Variants in ZNF217 observed in about 807,000 individuals in gnomAD.
The protein encoded by ZNF217 is zinc finger protein 217.
A neutral mutation model predicts 73.3 loss-of-function variants in ZNF217; 12 were observed. That is an observed-to-expected ratio of 0.16 (90% CI 0.10 to 0.27). ZNF217 has a LOEUF of 0.27. Among genes scored for constraint, ZNF217 ranks in the 10% least tolerant of loss-of-function variants. The probability of loss-of-function intolerance (pLI) is 1.00; values close to 1 mark genes in which losing one functional copy is unlikely to be tolerated. For missense variants in ZNF217, 1,195 were observed against 1,327.8 expected, an observed-to-expected ratio of 0.90 and a Z score of 1.55; for synonymous variants, 588 against 516.4, an observed-to-expected ratio of 1.14 and a Z score of -1.88.
chr20:53,581,458 T>C lies in ZNF217; in HGVS notation c.1366+3A>G, dbSNP rs376580741. The C allele has an allele frequency of 2.5e-6, 4 of 1,603,050 alleles. No homozygotes were observed. The highest frequency in any genetic ancestry group is 1.3e-5 in the African/African-American group (1 of 74,772). ...AGCACGGGACGGAGACAGGGCAGCTTACCCAGATGGATTCCTTCGGGAAGC... is the reference window on the plus strand; with the variant it reads ...AGCACGGGACGGAGACAGGGCAGCTCACCCAGATGGATTCCTTCGGGAAGC... On this transcript the variant is annotated splice_donor_region_variant and intron_variant, in intron 2 of 5. Transcript: ENST00000371471. The surrounding 1 kb of genome is among the most constrained non-coding windows in gnomAD (Gnocchi z 4.9).
intron 1 of ZNF217, among the ~76,000 whole-genome samples, chr20:53,592,289 T>A (rs138879838): frequency 1.3e-5 from 2 of 151,896 alleles, no homozygotes; most frequent in African/African-American, 2.4e-5. Context: ...CCAAGCCCCA[T>A]AGACTGATTC....
intron 1 of ZNF217, among the ~76,000 whole-genome samples, chr20:53,583,829 G>A (rs559123743): frequency 6.0e-4 from 92 of 152,334 alleles, no homozygotes; most frequent in African/African-American, 1.5e-3. Flanking sequence ...CTGGATATTC[G>A]AAACCTCAAT....
At chr20:53,584,353 C>T (rs34767939) in intron 1 of ZNF217, among the ~76,000 whole-genome samples, 1 of 152,234 alleles carries the variant, frequency 6.6e-6, no homozygotes. Flanking sequence ...GGAAGGCCTG[C>T]AGGCTCAGAG....
At chr20:53,594,458 G>A (rs1389000442), upstream of ZNF217, among the ~76,000 whole-genome samples, 1 of 150,134 alleles carries the variant, frequency 6.7e-6, no homozygotes, top group Admixed American at 6.6e-5. Flanking sequence ...CGCCGACTCC[G>A]CCTCCGGGAC....
In ZNF217 at chr20:53,576,418, C is replaced by G. The variant is rs41274708; in HGVS notation, c.2346G>C (p.Ala782=). ...CKPKPKSAFP[A]QSKSLPSAKG... ...TCGCAGATGGCAGGGATTTGGACTG[C>G]GCCGGGAAAGCAGACTTGGGCTTGG... Residue 782 remains alanine (A), a synonymous_variant, in exon 4 of 6, where the codon GCG becomes GCC. Transcript: ENST00000371471. 6.8e-3 allele frequency: 10,958 copies of G among 1,614,162 alleles called. 63 individuals carry two copies. The highest frequency in any genetic ancestry group is 0.014 in the South Asian group (1,283 of 91,082).
chr20:53,585,850 T>C (rs1988675994), intron 1 of ZNF217, among the ~76,000 whole-genome samples: 1 of 152,092 alleles, frequency 6.6e-6, no homozygotes, highest in African/African-American at 2.4e-5. Flanking sequence ...AGGGGTCTTC[T>C]TGTGTGGTCA....
Position 53,581,921 on chromosome 20 carries a change from A to T in ZNF217, c.906T>A (p.Ala302=), listed in dbSNP as rs572025453. 6.2e-7 allele frequency: 1 copy of T among 1,614,134 alleles called. No homozygotes were observed. Among genetic ancestry groups the T allele is most frequent in the African/African-American group, 1.3e-5 (1 of 75,036 alleles). ...GGCAAATGGCAACTTTTCCTTTGGT[A>T]GCCAGCTGCCAAGCCTGGAAGGTGG... The part of the protein sequence containing the change: ...PFTTFQAWQL[A]TKGKVAICQE... Residue 302 remains alanine, a synonymous_variant, in exon 2 of 6, where the codon GCT becomes GCA. Coordinates refer to ENST00000371471, the MANE Select transcript of ZNF217 (RefSeq NM_006526.3). The surrounding 1 kb of genome is among the most constrained non-coding windows in gnomAD (Gnocchi z 4.9).
chr20:53,594,608 C>T (rs1362793038), upstream of ZNF217, among the ~76,000 whole-genome samples: 2 of 151,524 alleles, frequency 1.3e-5, no homozygotes, highest in Non-Finnish European at 3.0e-5. Context: ...GCGCGCGCCG[C>T]GGCGGTAGCC....
At chr20:53,597,605 G>GTATGTA (rs1568696586), upstream of ZNF217, 1 of 147,982 alleles carries the variant, frequency 6.8e-6, no homozygotes, top group Admixed American at 6.8e-5. Flanking sequence ...TTATATATAT[G>GTATGTA]TATATATATA....
intron 1 of ZNF217, among the ~76,000 whole-genome samples, chr20:53,590,053 C>T (rs1298320635): frequency 6.6e-6 from 1 of 151,994 alleles, no homozygotes; most frequent in Admixed American, 6.5e-5. Context: ...GGTAGCTGTT[C>T]TGTAAATACC....
chr20:53,595,113 T>A (rs1266435843), upstream of ZNF217, among the ~76,000 whole-genome samples: 11 of 150,742 alleles, frequency 7.3e-5, no homozygotes, highest in African/African-American at 2.7e-4. Flanking sequence ...TTAAAGCGTT[T>A]CCCAAATGTT....
chr20:53,582,967 T>C lies in ZNF217; in HGVS notation c.-141A>G. On this transcript the variant is annotated 5_prime_UTR_variant, in exon 2 of 6. Transcript: ENST00000371471. The surrounding 1 kb of genome is among the most constrained non-coding windows in gnomAD (Gnocchi z 4.8). ...TAAAAGTTCAAAAGAAAGTGTATAG[T>C]CCTCTAACTTCTTCGAACTTTTAGG... The C allele has an allele frequency of 1.2e-6, 1 of 867,134 alleles. No homozygotes were observed. Among genetic ancestry groups the C allele is most frequent in the Non-Finnish European group, 1.7e-6 (1 of 583,406 alleles). The allele number at this position is 867,134 out of a possible 1,614,324, so 53.7% of individuals were successfully genotyped here. A position where few individuals can be genotyped will look rare whatever the true frequency, so the allele number is the denominator to read the frequency against.
rs1021322442 is a variant in ZNF217, at chr20:53,586,685, A to G, written c.-342-3517T>C. ...ACCAATTTGCTCATCAGTAATCGTT[A>G]AAGTGGTTGTAACAATAAAGACGTT... On this transcript the variant is annotated intron_variant, in intron 1 of 5. Coordinates refer to ENST00000371471, the MANE Select transcript of ZNF217 (RefSeq NM_006526.3). Among the ~76,000 whole-genome samples the G allele has an allele frequency of 1.1e-4, 16 of 152,244 alleles. 1 individual carries two copies. The highest frequency in any genetic ancestry group is 9.8e-4 in the Admixed American group (15 of 15,290).
At chr20:53,594,159 C>A (rs1018376500), upstream of ZNF217, among the ~76,000 whole-genome samples, 2 of 150,756 alleles carry the variant, frequency 1.3e-5, no homozygotes, top group African/African-American at 4.9e-5. Flanking sequence ...GGGGCAAAGG[C>A]GCGGGCGCCC....
chr20:53,576,099 C>G lies in ZNF217; in HGVS notation c.2665G>C (p.Asp889His), dbSNP rs749312304. The G allele has an allele frequency of 6.2e-7, 1 of 1,614,054 alleles. No homozygotes were observed. Among genetic ancestry groups the G allele is most frequent in the African/African-American group, 1.3e-5 (1 of 74,928 alleles). Residue 889 changes from aspartate (D) to histidine (H), a missense_variant, in exon 4 of 6, where the codon GAC becomes CAC. Asp to His is a moderately conservative substitution (Grantham distance 81, BLOSUM62 -1). Coordinates refer to ENST00000371471, the MANE Select transcript of ZNF217 (RefSeq NM_006526.3). ...NGSIDYPAKNDSPWAPPGRDY... is the reference protein window; with the variant it reads ...NGSIDYPAKNHSPWAPPGRDY... ...CTTCCCGGAGGTGCCCACGGGCTGT[C>G]GTTCTTGGCGGGGTAGTCGATGGAA...
intron 3 of ZNF217, among the ~76,000 whole-genome samples, chr20:53,577,729 A>G (rs1354436523): frequency 1.3e-5 from 2 of 152,224 alleles, no homozygotes; most frequent in African/African-American, 2.4e-5. Flanking sequence ...TCATAAAGAC[A>G]TAAGATGCAG....
rs766929479 is a variant in ZNF217, at chr20:53,575,823, G to A, written c.2941C>T (p.Pro981Ser). The change falls in exon 4 of 6, where the codon CCA becomes TCA. Residue 981 changes from proline to serine, a missense_variant. By Grantham distance (74) the Pro-to-Ser change is moderately conservative. Transcript: ENST00000371471. ...RFLSSSEVDS[P>S]NVLTVQKPYG... ...GGCTTCTGAACAGTCAGCACATTTG[G>A]AGAATCGACCTCGCTGGAGCTCAGG... The A allele has an allele frequency of 1.2e-5, 20 of 1,614,090 alleles. No individual in the cohort carries two copies. The Admixed American group carries it at 3.2e-4, about 26-fold the overall frequency.
rs1988529642 is a variant in ZNF217, at chr20:53,582,068, A to G, written c.759T>C (p.Ser253=). The G allele has an allele frequency of 6.2e-7, 1 of 1,614,080 alleles. No individual in the cohort carries two copies. The highest frequency in any genetic ancestry group is 8.5e-7 in the Non-Finnish European group (1 of 1,180,040). ...TCGAGGACGGCATTCCTCCTTGTGG[A>G]GAGTCTGTCTGCGCGCTGCTGGTAC... ...AFGTSSAQTD[S]PQGGMPSSRE... The change falls in exon 2 of 6, where the codon TCT becomes TCC. Residue 253 remains serine, a synonymous_variant. Coordinates refer to ENST00000371471, the MANE Select transcript of ZNF217 (RefSeq NM_006526.3). This position sits in a 1 kb window ranked among gnomAD's most constrained non-coding sequence, Gnocchi z 4.8.
upstream of ZNF217, among the ~76,000 whole-genome samples, chr20:53,595,447 AG>A (rs1197014784): frequency 2.0e-5 from 3 of 152,262 alleles, no homozygotes; most frequent in African/African-American, 7.2e-5. Flanking sequence ...GGAGCTGGTG[AG>A]CAATGCAATC....
Sources: gnomAD v4.1 joint callset for allele counts (sites outside exome capture counted in the v4.1 genomes callset) on GRCh38, gnomAD v4.1.1 for gene constraint, Gnocchi (gnomAD v3.1) non-coding constraint, MANE v1.5 for transcripts, NCBI Gene and HGNC (gene_info 2026-07-23, HGNC 2026-07-21) for gene names.